The following DIP2B variants were observed in gnomAD, a reference collection of about 807,000 sequenced individuals.
DIP2B encodes the protein disco-interacting protein 2 homolog B.
A neutral mutation model predicts 198.0 loss-of-function variants in DIP2B; 76 were observed. The observed-to-expected ratio is 0.38, with a 90% CI of 0.32 to 0.46. The LOEUF (loss-of-function observed/expected upper bound fraction) is 0.46, where lower values mean the gene tolerates loss of function less well. Among genes scored for constraint, DIP2B ranks in the 20% least tolerant of loss-of-function variants. The probability of loss-of-function intolerance (pLI) is 0.99; values close to 1 mark genes in which losing one functional copy is unlikely to be tolerated. For missense variants in DIP2B, 1,559 were observed against 1,978.4 expected (o/e 0.79, Z 4.02); for synonymous variants, 701 against 739.1 (o/e 0.95, Z 0.84).
At chr12:50,507,561 G>GT (rs1462512009) in intron 1 of DIP2B, among the ~76,000 whole-genome samples, 8 of 151,888 alleles carry the variant, frequency 5.3e-5, no homozygotes, top group East Asian at 1.9e-4. Flanking sequence ...TCTTTCGTTT[G>GT]TTTTTTTTGA....
chr12:50,551,356 G>A (rs1406494314), intron 1 of DIP2B, among the ~76,000 whole-genome samples: 2 of 152,044 alleles, frequency 1.3e-5, no homozygotes, highest in African/African-American at 4.8e-5. Context: ...CTGGGAGGCA[G>A]AGGTTGCAGT....
intron 2 of DIP2B, among the ~76,000 whole-genome samples, chr12:50,629,951 T>TC (rs1938012352): frequency 7.4e-6 from 1 of 134,260 alleles, no homozygotes; most frequent in African/African-American, 2.6e-5. Flanking sequence ...AATTTAATTT[T>TC]TTTTTTTTTT....
intron 1 of DIP2B, among the ~76,000 whole-genome samples, chr12:50,525,215 G>A (rs1418325188): frequency 1.3e-5 from 2 of 152,012 alleles, no homozygotes; most frequent in Admixed American, 6.6e-5. Flanking sequence ...AAAATTAGCT[G>A]GGTGTGGTGT....
At chr12:50,611,668 C>A (rs1423693172) in intron 1 of DIP2B, among the ~76,000 whole-genome samples, 1 of 152,032 alleles carries the variant, frequency 6.6e-6, no homozygotes, top group Admixed American at 6.6e-5. Flanking sequence ...TTTTTACCTA[C>A]CCCCAGTACT....
intron 35 of DIP2B, among the ~76,000 whole-genome samples, chr12:50,737,701 T>TCG (rs1329170869): frequency 6.6e-6 from 1 of 152,018 alleles, no homozygotes; most frequent in Non-Finnish European, 1.5e-5. Context: ...TTCTTGTGCC[T>TCG]CGGCCTTCCC....
chr12:50,709,375 G>A (rs1382595917), intron 22 of DIP2B, among the ~76,000 whole-genome samples: 1 of 152,094 alleles, frequency 6.6e-6, no homozygotes, highest in African/African-American at 2.4e-5. Flanking sequence ...GCTCACGCCT[G>A]TAATCCCAGC....
intron 1 of DIP2B, among the ~76,000 whole-genome samples, chr12:50,577,313 C>T (rs1346963639): frequency 7.9e-5 from 12 of 151,892 alleles, no homozygotes; most frequent in South Asian, 2.1e-4. Context: ...GGGCGGATCA[C>T]GAGGTCAGGA....
chr12:50,737,038 T>G lies in DIP2B; in HGVS notation c.4104T>G (p.Ile1368Met). Reference sequence around the variant, plus strand: ...TGTATTTTCCCTTTGATTCTTAGATTTTACCTGGAGTGAAAGTGGTTATTG... The same window carrying G: ...TGTATTTTCCCTTTGATTCTTAGATGTTACCTGGAGTGAAAGTGGTTATTG... ...QSLLLSESGK[I>M]LPGVKVVIVN... The change falls in exon 35 of 38, where the codon ATT becomes ATG. Residue 1368 changes from isoleucine (I) to methionine (M), a missense_variant and splice_region_variant. By Grantham distance (10) the Ile-to-Met change is conservative. Transcript: ENST00000301180. 1.2e-6 allele frequency: 2 copies of G among 1,613,832 alleles called. No homozygotes were observed. Among genetic ancestry groups the G allele is most frequent in the Non-Finnish European group, 1.7e-6 (2 of 1,179,876 alleles).
At chr12:50,593,981 C>T (rs1958857523) in intron 1 of DIP2B, among the ~76,000 whole-genome samples, 1 of 142,676 alleles carries the variant, frequency 7.0e-6, no homozygotes, top group African/African-American at 2.6e-5. Flanking sequence ...ACTCTTGTCG[C>T]CCAGGCTGGA....
intron 4 of DIP2B, among the ~76,000 whole-genome samples, chr12:50,662,378 C>T (rs1156346986): frequency 2.6e-5 from 4 of 152,202 alleles, no homozygotes; most frequent in African/African-American, 9.7e-5. Flanking sequence ...TCTCACACAG[C>T]CCCCACATGG....
Position 50,678,863 on chromosome 12 carries a change from C to T in DIP2B, c.1101C>T (p.Tyr367=). The T allele has an allele frequency of 2.5e-6, 4 of 1,614,196 alleles. No individual in the cohort carries two copies. Among genetic ancestry groups the T allele is most frequent in the Non-Finnish European group, 3.4e-6 (4 of 1,180,018 alleles). ...TALDMTGKPV[Y]TLTYGKLWSR... ...TGGACATGACAGGGAAACCAGTTTACACTCTTACATATGGTGAGTCTGCAA... is the reference window on the plus strand; with the variant it reads ...TGGACATGACAGGGAAACCAGTTTATACTCTTACATATGGTGAGTCTGCAA... The change falls in exon 8 of 38, where the codon TAC becomes TAT. Residue 367 remains tyrosine (Y), a synonymous_variant. Coordinates refer to ENST00000301180, the MANE Select transcript of DIP2B (RefSeq NM_173602.3).
chr12:50,518,906 A>G (rs1259373811), intron 1 of DIP2B, among the ~76,000 whole-genome samples: 1 of 152,066 alleles, frequency 6.6e-6, no homozygotes, highest in Non-Finnish European at 1.5e-5. Context: ...ATGCCTGGCT[A>G]ATTTTTTATT....
intron 1 of DIP2B, among the ~76,000 whole-genome samples, chr12:50,551,370 C>G (rs1043860999): frequency 6.6e-6 from 1 of 152,070 alleles, no homozygotes; most frequent in Admixed American, 6.6e-5. Context: ...TTGCAGTGAG[C>G]CAAGATCAAG....
chr12:50,711,207 A>G (rs1479903743), intron 22 of DIP2B, among the ~76,000 whole-genome samples: 1 of 152,216 alleles, frequency 6.6e-6, no homozygotes, highest in African/African-American at 2.4e-5. Context: ...GTAACTTACC[A>G]GCTCGGAGCA....
intron 1 of DIP2B, among the ~76,000 whole-genome samples, chr12:50,546,330 T>C (rs1565819991): frequency 6.6e-6 from 1 of 152,214 alleles, no homozygotes; most frequent in East Asian, 1.9e-4. Context: ...TGTGAAAAAT[T>C]CTTTTTTAAA....
At chr12:50,712,632 G>A (rs1291129893) in intron 22 of DIP2B, among the ~76,000 whole-genome samples, 1 of 151,476 alleles carries the variant, frequency 6.6e-6, no homozygotes, top group Non-Finnish European at 1.5e-5. Flanking sequence ...AAAAGGGCTG[G>A]GCACGGTGGC....
intron 4 of DIP2B, among the ~76,000 whole-genome samples, chr12:50,669,290 G>A (rs558062598): frequency 8.1e-4 from 123 of 152,294 alleles, no homozygotes; most frequent in Admixed American, 4.0e-3. Flanking sequence ...ATAGTTCCTG[G>A]CACATGTTGT....
intron 2 of DIP2B, among the ~76,000 whole-genome samples, chr12:50,636,419 A>G (rs1316040201): frequency 2.6e-5 from 4 of 152,242 alleles, no homozygotes; most frequent in Non-Finnish European, 5.9e-5. Context: ...AATCACTATG[A>G]ATTGGAGCAC....
At position 50,706,642 on chromosome 12, in the gene DIP2B, A is replaced by G; in HGVS notation, c.2511A>G (p.Ser837=). The G allele has an allele frequency of 6.2e-7, 1 of 1,614,098 alleles. No individual in the cohort carries two copies. Among genetic ancestry groups the G allele is most frequent in the Non-Finnish European group, 8.5e-7 (1 of 1,179,976 alleles). The change falls in exon 21 of 38, where the codon TCA becomes TCG. Residue 837 remains serine (S), a synonymous_variant. Coordinates refer to ENST00000301180, the MANE Select transcript of DIP2B (RefSeq NM_173602.3). The part of the protein sequence containing the change: ...DIVATGLAVE[S]IKTVYRGRIA... ...TTGCTACTGGATTGGCTGTAGAATCAATAAAGACTGTTTATAGAGGAAGGT... is the reference window on the plus strand; with the variant it reads ...TTGCTACTGGATTGGCTGTAGAATCGATAAAGACTGTTTATAGAGGAAGGT...
Sources: gnomAD v4.1 joint callset for allele counts (sites outside exome capture counted in the v4.1 genomes callset) on GRCh38, gnomAD v4.1.1 for gene constraint, MANE v1.5 for transcripts, NCBI Gene and HGNC (gene_info 2026-07-23, HGNC 2026-07-21) for gene names.